LINGO1: variants seen among roughly 807,000 people sequenced by gnomAD.
LINGO1 encodes leucine rich repeat and Ig domain containing 1, also known as leucine-rich repeat and immunoglobulin-like domain-containing nogo receptor-interacting protein 1.
A neutral mutation model predicts 37.3 loss-of-function variants in LINGO1; 11 were observed. The observed-to-expected ratio is 0.29, with a 90% CI of 0.19 to 0.49. The LOEUF (loss-of-function observed/expected upper bound fraction) is 0.49. LINGO1 is among the 20% of genes least tolerant of loss of function. LINGO1 has a pLI of 0.99. For synonymous variants in LINGO1, 387 were observed against 403.0 expected, an observed-to-expected ratio of 0.96 and a Z score of 0.48; for missense variants, 585 against 878.2, an observed-to-expected ratio of 0.67 and a Z score of 4.22.
chr15:77,729,650 C>T (rs1328217290), intron 2 of LINGO1, among the ~76,000 whole-genome samples: 6 of 152,212 alleles, frequency 3.9e-5, no homozygotes, highest in Admixed American at 1.3e-4. Flanking sequence ...TCTGAGCTGC[C>T]GTGGGCTGCA....
intron 1 of LINGO1, among the ~76,000 whole-genome samples, chr15:77,779,647 C>T (rs570306563): frequency 2.6e-5 from 4 of 152,186 alleles, no homozygotes; most frequent in South Asian, 2.1e-4. Flanking sequence ...CTTATGGGGG[C>T]GGAGCTCAGG....
At chr15:77,757,266 A>G (rs1567566519) in intron 1 of LINGO1, among the ~76,000 whole-genome samples, 1 of 152,210 alleles carries the variant, frequency 6.6e-6, no homozygotes, top group Non-Finnish European at 1.5e-5. Flanking sequence ...AGTCTGCCGC[A>G]GGGGCCCAGG....
At chr15:77,722,953 CAGCGCCCCTGGAGGCTCCTGCAGT>C (rs2076065302) in intron 2 of LINGO1, among the ~76,000 whole-genome samples, 1 of 152,198 alleles carries the variant, frequency 6.6e-6, no homozygotes, top group Non-Finnish European at 1.5e-5. Context: ...TGGGCCTTCA[CAGCGCCCCTGGAGGCTCCTGCAGT>C]TCACAGAGTG....
intron 1 of LINGO1, among the ~76,000 whole-genome samples, chr15:77,783,600 T>C (rs377366504): frequency 6.6e-6 from 1 of 152,214 alleles, no homozygotes; most frequent in African/African-American, 2.4e-5. Context: ...GCCCGGTTTC[T>C]TCGTCCATTT....
At position 77,632,345 on chromosome 15, in the gene LINGO1, G is replaced by C. The variant is rs1257187179; in HGVS notation, c.-30C>G. On this transcript the variant is annotated 5_prime_UTR_variant, in exon 1 of 2. Transcript: ENST00000355300. This position sits in a 1 kb window ranked among gnomAD's most constrained non-coding sequence, Gnocchi z 6.0. ...GGCGCGCCTTCGGTCCGCTCGGCTC[G>C]GTCACCAATCGCATGTCTCTCCAGC... 3 of 1,425,100 alleles carry C rather than the reference G, an allele frequency of 2.1e-6. No individual in the cohort carries two copies. The highest frequency in any genetic ancestry group is 2.8e-6 in the Non-Finnish European group (3 of 1,088,466). The allele number at this position is 1,425,100 out of a possible 1,614,324, so 88.3% of individuals were successfully genotyped here.
At chr15:77,783,095 C>T (rs1317422335) in intron 1 of LINGO1, among the ~76,000 whole-genome samples, 1 of 152,174 alleles carries the variant, frequency 6.6e-6, no homozygotes, top group Non-Finnish European at 1.5e-5. Flanking sequence ...TTCAGAGAGG[C>T]CTGCCTGGAT....
intron 1 of LINGO1, among the ~76,000 whole-genome samples, chr15:77,627,628 C>T (rs1255756820): frequency 6.6e-6 from 1 of 152,176 alleles, no homozygotes; most frequent in Non-Finnish European, 1.5e-5. Flanking sequence ...GGGGGCTGTG[C>T]AGGAGGAGGG....
At chr15:77,710,666 GC>G (rs2075907562) in intron 2 of LINGO1, among the ~76,000 whole-genome samples, 2 of 152,160 alleles carry the variant, frequency 1.3e-5, no homozygotes, top group African/African-American at 2.4e-5. Context: ...CGCGGTGCTG[GC>G]TTTTGTTTCG....
At chr15:77,652,483 AGTGTGTGTGTGTGTGTGTGT>A (rs773433884) in intron 3 of LINGO1, among the ~76,000 whole-genome samples, 12 of 128,960 alleles carry the variant, frequency 9.3e-5, no homozygotes, top group African/African-American at 3.2e-4. Flanking sequence ...GGGGAGGGAG[AGTGTGTGTGTGTGTGTGTGT>A]GTGTGTGTGT....
At chr15:77,748,752 T>C (rs1023036144) in intron 1 of LINGO1, among the ~76,000 whole-genome samples, 2 of 152,036 alleles carry the variant, frequency 1.3e-5, no homozygotes, top group African/African-American at 4.8e-5. Flanking sequence ...GTTTGCTTTG[T>C]TGCCCAGGCT....
At chr15:77,673,821 C>T (rs924398456) in intron 3 of LINGO1, among the ~76,000 whole-genome samples, 1 of 152,192 alleles carries the variant, frequency 6.6e-6, no homozygotes, top group African/African-American at 2.4e-5. Context: ...CTACAGGCAT[C>T]TCACCATTTA....
chr15:77,627,498 C>G (rs111449560), intron 1 of LINGO1, among the ~76,000 whole-genome samples: 2 of 152,096 alleles, frequency 1.3e-5, no homozygotes, highest in South Asian at 4.1e-4. Flanking sequence ...AGAGGACTCC[C>G]CAAGCAAGTG....
At chr15:77,675,890 C>T (rs2075319326) in intron 3 of LINGO1, among the ~76,000 whole-genome samples, 1 of 152,206 alleles carries the variant, frequency 6.6e-6, no homozygotes, top group African/African-American at 2.4e-5. Context: ...CCCCCATCCC[C>T]ACTCTGGCTC....
At chr15:77,641,241 G>A (rs2074499002) in intron 3 of LINGO1, among the ~76,000 whole-genome samples, 1 of 152,222 alleles carries the variant, frequency 6.6e-6, no homozygotes, top group Admixed American at 6.5e-5. Context: ...TAGGGTGGCT[G>A]CCTGCCTTCT....
At chr15:77,786,250 C>T (rs909268466) in intron 1 of LINGO1, among the ~76,000 whole-genome samples, 3 of 152,146 alleles carry the variant, frequency 2.0e-5, no homozygotes, top group African/African-American at 7.2e-5. Context: ...GGTTAGTATG[C>T]CACTTGGGAG....
At chr15:77,704,195 G>A (rs28406214) in intron 2 of LINGO1, among the ~76,000 whole-genome samples, 72,036 of 151,944 alleles carry the variant, frequency 0.47, 17,436 homozygotes, top group Admixed American at 0.59. Flanking sequence ...CTGCTCATCA[G>A]GGCTCAGAGA....
intron 1 of LINGO1, among the ~76,000 whole-genome samples, chr15:77,628,503 C>T (rs1007828329): frequency 6.6e-6 from 1 of 152,110 alleles, no homozygotes; most frequent in African/African-American, 2.4e-5. Context: ...ATAACTAAAA[C>T]TGAACTACTT....
rs946292822 is a variant in LINGO1 at position 77,676,482 on chromosome 15, T to G, written c.-13+607A>C. ...TACCCCATCCTATTCCTTGGGGGAT[T>G]TGGCACCAGGCCGAAAGCCTTCACC... On this transcript the variant is annotated intron_variant, in intron 3 of 3. Transcript: ENST00000559893. Among the ~76,000 whole-genome samples the G allele has an allele frequency of 3.9e-5, 6 of 152,226 alleles. No individual in the cohort carries two copies. In the East Asian group the frequency reaches 1.2e-3, roughly 29 times the overall value.
At chr15:77,793,701 C>A (rs759401998) in intron 2 of LINGO1, among the ~76,000 whole-genome samples, 1 of 152,102 alleles carries the variant, frequency 6.6e-6, no homozygotes, top group Non-Finnish European at 1.5e-5. Context: ...CATTACACTG[C>A]CATTAAAAAT....
Sources: gnomAD v4.1 joint callset for allele counts (sites outside exome capture counted in the v4.1 genomes callset) on GRCh38, gnomAD v4.1.1 for gene constraint, Gnocchi (gnomAD v3.1) non-coding constraint, MANE v1.5 for transcripts, NCBI Gene and HGNC (gene_info 2026-07-23, HGNC 2026-07-21) for gene names.